Variants in IRS2 observed in about 807,000 individuals in gnomAD.
IRS2 encodes the protein insulin receptor substrate 2.
In IRS2, 28 loss-of-function variants were observed where a neutral mutation model predicts 70.9. That is an observed-to-expected ratio of 0.39 (90% CI 0.29 to 0.54). IRS2 has a LOEUF of 0.54. Ranked by LOEUF, IRS2 falls within the 20% of genes least tolerant of loss-of-function variation. The pLI is 0.59. For missense variants in IRS2, 2,081 were observed against 2,024.1 expected (o/e 1.03, Z -0.54); for synonymous variants, 1,217 against 981.9 (o/e 1.24, Z -4.48).
At position 109,783,811 on chromosome 13, in the gene IRS2, C is replaced by T. The variant is rs1877811944; in HGVS notation, c.2243G>A (p.Gly748Asp). The stretch of plus-strand genomic sequence containing the variant: ...TGCATGCTCCATGGACAGCTTGGAA[C>T]CGCACCACATGCGCATGTACCCACT... ...EDSGYMRMWC[G>D]SKLSMEHADG... The change falls in exon 1 of 2, where the codon GGT becomes GAT. Residue 748 changes from glycine to aspartate, a missense_variant. Coordinates refer to ENST00000375856, the MANE Select transcript of IRS2 (RefSeq NM_003749.3). The T allele has an allele frequency of 1.3e-6, 2 of 1,594,838 alleles. No homozygotes were observed. The highest frequency in any genetic ancestry group is 1.7e-6 in the Non-Finnish European group (2 of 1,171,052).
chr13:109,781,317 T>A (rs1000929028), intron 1 of IRS2, among the ~76,000 whole-genome samples: 1 of 152,152 alleles, frequency 6.6e-6, no homozygotes, highest in African/African-American at 2.4e-5. Context: ...CATCGGAAAC[T>A]GCGGGGTTAA....
intron 1 of IRS2, among the ~76,000 whole-genome samples, chr13:109,764,148 CT>C (rs756783081): frequency 7.1e-4 from 108 of 152,338 alleles, no homozygotes; most frequent in Non-Finnish European, 1.1e-3. Context: ...AGTGCCCATT[CT>C]TCCTAATCGG....
At position 109,782,781 on chromosome 13, in the gene IRS2, C is replaced by CG. The variant is rs772322568; in HGVS notation, c.3272dup (p.Lys1092GlufsTer233). On this transcript the variant is annotated frameshift_variant, in exon 1 of 2. Coordinates refer to ENST00000375856, the MANE Select transcript of IRS2 (RefSeq NM_003749.3). LOFTEE classifies it high-confidence loss of function. Reference sequence around the variant, plus strand: ...TGGCCACGCGGGCAGCTTCTGGCTTCGGGGGGGCCGCGATAGGTTGCGGCG... The same window carrying CG: ...TGGCCACGCGGGCAGCTTCTGGCTTCGGGGGGGGCCGCGATAGGTTGCGGCG... 8 of 1,602,596 alleles carry CG rather than the reference C, an allele frequency of 5.0e-6. No individual in the cohort carries two copies. The highest frequency in any genetic ancestry group is 1.7e-5 in the Admixed American group (1 of 59,026).
rs1310757868 is a variant in IRS2 at position 109,782,702 on chromosome 13, C to T, written c.3352G>A (p.Glu1118Lys). 6 of 1,587,406 alleles carry T rather than the reference C, an allele frequency of 3.8e-6. No homozygotes were observed. The East Asian group carries it at 6.9e-5, about 18-fold the overall frequency. ...GGCTGGCTGGCCTGCAGGAAGGCCT[C>T]GACTCCCGACACCTGCTCCATGAGG... ...LSLMEQVSGV[E>K]AFLQASQPPD... Residue 1118 changes from glutamate (E) to lysine (K), a missense_variant, in exon 1 of 2, where the codon GAG becomes AAG. Coordinates refer to ENST00000375856, the MANE Select transcript of IRS2 (RefSeq NM_003749.3).
chr13:109,763,683 TAATTCTTTC>T (rs1877275526), intron 1 of IRS2, among the ~76,000 whole-genome samples: 1 of 152,258 alleles, frequency 6.6e-6, no homozygotes, highest in Non-Finnish European at 1.5e-5. Flanking sequence ...ATGAACGACG[TAATTCTTTC>T]CTCAGACTTA....
Position 109,783,155 on chromosome 13 carries a change from T to C in IRS2, c.2899A>G (p.Ser967Gly). 1 of 1,379,460 alleles carries C rather than the reference T, an allele frequency of 7.2e-7. No individual in the cohort carries two copies. The highest frequency in any genetic ancestry group is 9.3e-7 in the Non-Finnish European group (1 of 1,072,570). 85.5% of individuals were successfully genotyped at this position (1,379,460 alleles called of 1,614,324 possible). The change falls in exon 1 of 2, where the codon AGC (serine) becomes GGC (glycine). Residue 967 changes from serine to glycine, a missense_variant. Physicochemically the swap from Ser to Gly is moderately conservative, Grantham distance 56 (BLOSUM62 0). Coordinates refer to ENST00000375856, the MANE Select transcript of IRS2 (RefSeq NM_003749.3). Reference protein sequence around the residue: ...SLGSGTPGTSSDSRQRSPLSD... With the variant: ...SLGSGTPGTSGDSRQRSPLSD... ...AGCGGAGACCGCTGCCGGCTGTCGC[T>C]GCTGGTGCCCGGGGTGCCTGAGCCC... is the stretch of plus-strand genomic sequence containing the variant.
chr13:109,782,163 C>T lies in IRS2; in HGVS notation c.3891G>A (p.Val1297=). Residue 1297 remains valine, a synonymous_variant, in exon 1 of 2, where the codon GTG becomes GTA. Transcript: ENST00000375856. ...ACCCGCCGCCGGTGCTGCCGACGCCCACAGCGCTGATGAGACCCCCGAGGC... is the reference window on the plus strand; with the variant it reads ...ACCCGCCGCCGGTGCTGCCGACGCCTACAGCGCTGATGAGACCCCCGAGGC... The part of the protein sequence containing the change: ...TRSLGGLISA[V]GVGSTGGGCG... 6.2e-7 allele frequency: 1 copy of T among 1,606,778 alleles called. No homozygotes were observed. Among genetic ancestry groups the T allele is most frequent in the Non-Finnish European group, 8.5e-7 (1 of 1,177,034 alleles).
intron 1 of IRS2, among the ~76,000 whole-genome samples, chr13:109,773,711 A>G (rs1163545085): frequency 6.6e-6 from 1 of 152,234 alleles, no homozygotes; most frequent in African/African-American, 2.4e-5. Context: ...GCGTTTCTTC[A>G]TTAAGGAATT....
chr13:109,755,678 G>A lies in IRS2; in HGVS notation c.*626C>T, dbSNP rs553914350. 102 of 202,386 alleles carry A rather than the reference G, an allele frequency of 5.0e-4. No individual in the cohort carries two copies. The highest frequency in any genetic ancestry group is 2.1e-3 in the African/African-American group (92 of 43,640). The allele number at this position is 202,386 out of a possible 1,614,324, so 12.5% of individuals were successfully genotyped here. On this transcript the variant is annotated 3_prime_UTR_variant, in exon 2 of 2. Coordinates refer to ENST00000375856, the MANE Select transcript of IRS2 (RefSeq NM_003749.3). The stretch of plus-strand genomic sequence containing the variant: ...GAAATGTCAGTCCCACACTGGGCTC[G>A]GTGTGGACGTAAACATCGCAGGTAC...
Position 109,785,969 on chromosome 13 carries a change from GGTTGTT to G in IRS2, c.79_84del (p.Asn27_Asn28del), listed in dbSNP as rs532810290. 137 of 1,491,062 alleles carry G rather than the reference GGTTGTT, an allele frequency of 9.2e-5. 1 individual carries two copies. Among genetic ancestry groups the G allele is most frequent in the Admixed American group, 2.4e-4 (11 of 45,278 alleles). The allele number at this position is 1,491,062 out of a possible 1,614,324, so 92.4% of individuals were successfully genotyped here. On this transcript the variant is annotated inframe_deletion, in exon 1 of 2. Coordinates refer to ENST00000375856, the MANE Select transcript of IRS2 (RefSeq NM_003749.3). The surrounding 1 kb of genome is among the most constrained non-coding windows in gnomAD (Gnocchi z 9.3). ...AGGTAGCCGCACTTGCGCACGCTGTGGTTGTTGTTGTTGTTGTTGTTGTTGAGGTTG... is the reference window on the plus strand; with the variant it reads ...AGGTAGCCGCACTTGCGCACGCTGTGGTTGTTGTTGTTGTTGTTGAGGTTG...
chr13:109,756,851 TG>T (rs1376444967), intron 1 of IRS2, among the ~76,000 whole-genome samples: 6 of 152,330 alleles, frequency 3.9e-5, no homozygotes, highest in Non-Finnish European at 7.3e-5. Context: ...TCCACACTTC[TG>T]CCCTCAGAAA....
chr13:109,753,785 T>C lies in IRS2; in HGVS notation c.*2519A>G, dbSNP rs1376666493. ...CTTACTCCCAAACTCTAAAAGTAGA[T>C]TGGCTTTATGTTAAACAGAGAATTC... On this transcript the variant is annotated 3_prime_UTR_variant, in exon 2 of 2. Transcript: ENST00000375856. The C allele has an allele frequency of 4.9e-6, 1 of 202,286 alleles. No individual in the cohort carries two copies. The highest frequency in any genetic ancestry group is 2.3e-5 in the African/African-American group (1 of 43,626). 12.5% of individuals were successfully genotyped at this position (202,286 alleles called of 1,614,324 possible).
chr13:109,775,149 C>A (rs1332825826), intron 1 of IRS2, among the ~76,000 whole-genome samples: 8 of 125,058 alleles, frequency 6.4e-5, no homozygotes, highest in East Asian at 2.4e-4. Flanking sequence ...CTGAATTTCA[C>A]TCTTTGTTGC....
chr13:109,759,433 C>T (rs550526431), intron 1 of IRS2, among the ~76,000 whole-genome samples: 1 of 152,248 alleles, frequency 6.6e-6, no homozygotes, highest in African/African-American at 2.4e-5. Context: ...TGCAAAAGGG[C>T]AGCGAGGAAA....
chr13:109,754,062 A>G lies in IRS2; in HGVS notation c.*2242T>C, dbSNP rs1324898127. 1 of 231,404 alleles carries G rather than the reference A, an allele frequency of 4.3e-6. No homozygotes were observed. The highest frequency in any genetic ancestry group is 6.2e-5 in the East Asian group (1 of 16,204). The allele number at this position is 231,404 out of a possible 1,614,324, so 14.3% of individuals were successfully genotyped here. A position where few individuals can be genotyped will look rare whatever the true frequency, so the allele number is the denominator to read the frequency against. On this transcript the variant is annotated 3_prime_UTR_variant, in exon 2 of 2. Coordinates refer to ENST00000375856, the MANE Select transcript of IRS2 (RefSeq NM_003749.3). ...CAAGAAATATATTTAACATCTTGAT[A>G]TCCAGAAACAATACGTACCCAAAAA...
At chr13:109,772,780 C>T (rs952789779) in intron 1 of IRS2, among the ~76,000 whole-genome samples, 10 of 151,242 alleles carry the variant, frequency 6.6e-5, no homozygotes, top group Admixed American at 1.3e-4. Flanking sequence ...ACTGCAAGCT[C>T]CGCTTCCCGG....
In IRS2 at chr13:109,783,398, G is replaced by C. The variant is rs1555316693; in HGVS notation, c.2656C>G (p.Arg886Gly). The change falls in exon 1 of 2, where the codon CGG (arginine) becomes GGG (glycine). Residue 886 changes from arginine to glycine, a missense_variant. By Grantham distance (125) the Arg-to-Gly change is moderately radical (BLOSUM62 -2). This residue lies in a region of IRS2 where 1,615 missense variants were observed against 1,459.5 expected (regional missense o/e 1.11). Coordinates refer to ENST00000375856, the MANE Select transcript of IRS2 (RefSeq NM_003749.3). ...GACAGGCGCGTGGGCCTCACCGCCC[G>C]GCCGCGCTGGCCCAAGAAGCCCTCC... is the stretch of plus-strand genomic sequence containing the variant. ...RPEGFLGQRGRAVRPTRLSLE... is the reference protein window; with the variant it reads ...RPEGFLGQRGGAVRPTRLSLE... The C allele has an allele frequency of 2.7e-6, 4 of 1,477,046 alleles. No homozygotes were observed. The highest frequency in any genetic ancestry group is 1.3e-5 in the South Asian group (1 of 75,788). The allele number at this position is 1,477,046 out of a possible 1,614,324, so 91.5% of individuals were successfully genotyped here.
rs762535630 is a variant in IRS2, at chr13:109,783,250, G to A, written c.2804C>T (p.Ala935Val). 49 of 1,476,376 alleles carry A rather than the reference G, an allele frequency of 3.3e-5. No individual in the cohort carries two copies. The highest frequency in any genetic ancestry group is 4.7e-5 in the Admixed American group (2 of 42,950). The allele number at this position is 1,476,376 out of a possible 1,614,324, so 91.5% of individuals were successfully genotyped here. Residue 935 changes from alanine (A) to valine (V), a missense_variant, in exon 1 of 2, where the codon GCG becomes GTG. Ala to Val is a moderately conservative substitution (Grantham distance 64, BLOSUM62 0). This residue lies in a region of IRS2 where 1,615 missense variants were observed against 1,459.5 expected (regional missense o/e 1.11). Coordinates refer to ENST00000375856, the MANE Select transcript of IRS2 (RefSeq NM_003749.3). ...GEPGARLSPPAPPLLASAASS... is the reference protein window; with the variant it reads ...GEPGARLSPPVPPLLASAASS... Reference sequence around the variant, plus strand: ...GGCCGCCGACGCCAGCAGGGGAGGCGCGGGCGGCGACAGGCGGGCCCCGGG... The same window carrying A: ...GGCCGCCGACGCCAGCAGGGGAGGCACGGGCGGCGACAGGCGGGCCCCGGG...
chr13:109,782,742 G>C lies in IRS2; in HGVS notation c.3312C>G (p.Gly1104=), dbSNP rs768915589. The change falls in exon 1 of 2, where the codon GGC becomes GGG. Residue 1104 remains glycine (G), a synonymous_variant. Coordinates refer to ENST00000375856, the MANE Select transcript of IRS2 (RefSeq NM_003749.3). The stretch of plus-strand genomic sequence containing the variant: ...GCTCCATGAGGCTCAGCCTCTTCAC[G>C]CCCGACGTCGGGCTGGCCACGCGGG... ...EAARVASPTS[G]VKRLSLMEQV... is the part of the protein sequence containing the mutation. The C allele has an allele frequency of 1.9e-6, 3 of 1,598,562 alleles. No individual in the cohort carries two copies. In the Admixed American group the frequency reaches 5.1e-5, roughly 27 times the overall value.
Sources: allele counts gnomAD v4.1 joint callset (sites outside exome capture counted in the v4.1 genomes callset), GRCh38; gene constraint gnomAD v4.1.1; regional missense constraint gnomAD v4.1.1; non-coding constraint Gnocchi (gnomAD v3.1); transcripts MANE v1.5; gene names NCBI Gene and HGNC (gene_info 2026-07-23, HGNC 2026-07-21).